EPB41: variants seen among roughly 807,000 people sequenced by gnomAD.
EPB41 encodes protein 4.1.
A neutral mutation model predicts 108.0 loss-of-function variants in EPB41; 65 were observed. The observed-to-expected ratio is 0.60, with a 90% CI of 0.49 to 0.74. The LOEUF is 0.74. Ranked by LOEUF, EPB41 falls within the 30% of genes least tolerant of loss-of-function variation. The probability of loss-of-function intolerance (pLI) is 0.00; values close to 1 mark genes in which losing one functional copy is unlikely to be tolerated. For missense variants in EPB41, 875 were observed against 1,037.0 expected, an observed-to-expected ratio of 0.84 and a Z score of 2.15; for synonymous variants, 336 against 358.9, an observed-to-expected ratio of 0.94 and a Z score of 0.72.
chr1:29,059,824 C>T (rs1219069441), intron 14 of EPB41, among the ~76,000 whole-genome samples: 2 of 152,050 alleles, frequency 1.3e-5, no homozygotes, highest in Non-Finnish European at 2.9e-5. Flanking sequence ...TGTGTACAGC[C>T]GACTTCTCTG....
At chr1:28,967,168 G>A (rs1262483955) in intron 1 of EPB41, among the ~76,000 whole-genome samples, 4 of 151,874 alleles carry the variant, frequency 2.6e-5, no homozygotes, top group Admixed American at 6.6e-5. Context: ...ACAGGTGCCC[G>A]CCACCACACC....
intron 17 of EPB41, among the ~76,000 whole-genome samples, chr1:29,099,704 C>G (rs890692470): frequency 7.2e-5 from 11 of 152,154 alleles, no homozygotes; most frequent in African/African-American, 2.4e-4. Flanking sequence ...TTGTTATTCA[C>G]AGAAGCCAAA....
At chr1:29,111,348 T>C (rs986312622) in intron 18 of EPB41, among the ~76,000 whole-genome samples, 1 of 151,996 alleles carries the variant, frequency 6.6e-6, no homozygotes, top group African/African-American at 2.4e-5. Flanking sequence ...ACTTTCTGTT[T>C]AGCTTAATAA....
intron 1 of EPB41, among the ~76,000 whole-genome samples, chr1:28,955,922 A>G (rs2094933102): frequency 6.6e-6 from 1 of 152,260 alleles, no homozygotes; most frequent in African/African-American, 2.4e-5. Context: ...TATATAATAA[A>G]CACTATAACT....
chr1:28,966,768 G>A lies in EPB41; in HGVS notation c.-7-20663G>A, dbSNP rs572035349. 1.2e-3 allele frequency among the ~76,000 whole-genome samples: 179 copies of A among 152,224 alleles called. 1 individual carries two copies. Among genetic ancestry groups the A allele is most frequent in the African/African-American group, 4.2e-3 (174 of 41,556 alleles). On this transcript the variant is annotated intron_variant, in intron 1 of 20. Transcript: ENST00000343067. Reference sequence around the variant, plus strand: ...AGGCAGAAGAAACCACAAATCCTAAGGTCCTGGCAAATAGCATGCTTACCA... The same window carrying A: ...AGGCAGAAGAAACCACAAATCCTAAAGTCCTGGCAAATAGCATGCTTACCA...
At chr1:29,036,289 C>T (rs1639400004) in intron 10 of EPB41, among the ~76,000 whole-genome samples, 2 of 121,334 alleles carry the variant, frequency 1.6e-5, no homozygotes, top group South Asian at 2.6e-4. Context: ...GACGGAGTTT[C>T]GCTCTTGTTG....
Position 28,937,358 on chromosome 1 carries a change from C to T in EPB41, c.-8+22590C>T, listed in dbSNP as rs573879197. ...TCTCCTGTTGTTTAGGCTGTATTTC[C>T]ACTTTTCTGACGCATTTTAAAGCAC... is the stretch of plus-strand genomic sequence containing the variant. On this transcript the variant is annotated intron_variant, in intron 1 of 20. Coordinates refer to ENST00000343067, the MANE Select transcript of EPB41 (RefSeq NM_001376013.1). Among the ~76,000 whole-genome samples the T allele has an allele frequency of 1.9e-3, 291 of 152,202 alleles. 3 individuals are homozygous for T. The highest frequency in any genetic ancestry group is 3.3e-3 in the Non-Finnish European group (226 of 68,012).
At chr1:29,047,385 T>A (rs1424060371) in intron 11 of EPB41, among the ~76,000 whole-genome samples, 1 of 150,774 alleles carries the variant, frequency 6.6e-6, no homozygotes, top group African/African-American at 2.4e-5. Flanking sequence ...GAGTAGCTGG[T>A]ACCACAAGTT....
At chr1:28,917,750 T>G (rs189088558) in intron 1 of EPB41, among the ~76,000 whole-genome samples, 1 of 151,820 alleles carries the variant, frequency 6.6e-6, no homozygotes, top group Non-Finnish European at 1.5e-5. Flanking sequence ...CCAGCTTTTT[T>G]TTTTCGTTTT....
chr1:29,059,590 A>G (rs573848343), intron 14 of EPB41, among the ~76,000 whole-genome samples: 10 of 152,158 alleles, frequency 6.6e-5, no homozygotes, highest in Non-Finnish European at 1.3e-4. Flanking sequence ...AGCCTGGGCA[A>G]CATAGGGAGA....
chr1:28,988,038 G>A (rs1001791805), intron 2 of EPB41, 133 bp downstream of exon 2: 14 of 913,030 alleles, frequency 1.5e-5, no homozygotes, highest in Admixed American at 6.3e-5. Context: ...CGAGGCAGGC[G>A]GATCAACTGA....
intron 10 of EPB41, among the ~76,000 whole-genome samples, 158 bp from the exon 11 acceptor site, chr1:29,039,096 A>G (rs1572892852): frequency 6.6e-6 from 1 of 152,348 alleles, no homozygotes; most frequent in East Asian, 1.9e-4. Context: ...ATGACAAAGA[A>G]CTAAAATAAT....
rs531770270 is a variant in EPB41 at position 29,074,151 on chromosome 1, G to A, written c.2184+8993G>A. 2.0e-5 allele frequency among the ~76,000 whole-genome samples: 3 copies of A among 152,226 alleles called. No homozygotes were observed. In the South Asian group the frequency reaches 6.2e-4, roughly 32 times the overall value. ...GGAAAACAGGGCAAAATTAATATGA[G>A]ACATGGTCTCATTGTTGCTTTTATT... On this transcript the variant is annotated intron_variant, in intron 16 of 20. Coordinates refer to ENST00000343067, the MANE Select transcript of EPB41 (RefSeq NM_001376013.1).
chr1:28,897,739 C>T (rs1157648073), intron 1 of EPB41, among the ~76,000 whole-genome samples: 1 of 151,986 alleles, frequency 6.6e-6, no homozygotes, highest in Non-Finnish European at 1.5e-5. Flanking sequence ...TCTCTCTTGC[C>T]CTCCTTTTCC....
intron 1 of EPB41, among the ~76,000 whole-genome samples, chr1:28,931,232 T>C (rs1216668730): frequency 6.6e-6 from 1 of 151,852 alleles, no homozygotes; most frequent in East Asian, 1.9e-4. Context: ...ACCACACCTC[T>C]ACAAAAAATT....
At chr1:28,891,169 C>T (rs898641926) in intron 1 of EPB41, among the ~76,000 whole-genome samples, 1 of 152,216 alleles carries the variant, frequency 6.6e-6, no homozygotes, top group African/African-American at 2.4e-5. Context: ...ACCTCAGTTG[C>T]CTCATCTGTA....
Position 29,115,688 on chromosome 1 carries a change from G to A in EPB41, c.2497-11G>A. The A allele has an allele frequency of 5.6e-6, 9 of 1,612,636 alleles. No homozygotes were observed. Among genetic ancestry groups the A allele is most frequent in the Non-Finnish European group, 7.6e-6 (9 of 1,178,856 alleles). On this transcript the variant is annotated splice_polypyrimidine_tract_variant and intron_variant, in intron 19 of 20. Coordinates refer to ENST00000343067, the MANE Select transcript of EPB41 (RefSeq NM_001376013.1). This position sits in a 1 kb window ranked among gnomAD's most constrained non-coding sequence, Gnocchi z 4.4. ...TTTCTGCCTCATTGCCCTTGTTTCT[G>A]TCTTTTGTAGGTCCTTGTACAAGCC...
In EPB41 at chr1:29,086,275, CTTT is replaced by C. The variant is rs1213378802; in HGVS notation, c.2185-11517_2185-11515del. Among the ~76,000 whole-genome samples the C allele has an allele frequency of 1.3e-4, 18 of 137,222 alleles. No individual in the cohort carries two copies. In the East Asian group the frequency reaches 3.1e-3, roughly 24 times the overall value. The allele number at this position is 137,222 out of a possible 152,430, so 90.0% of individuals were successfully genotyped here. On this transcript the variant is annotated intron_variant, in intron 16 of 20. Coordinates refer to ENST00000343067, the MANE Select transcript of EPB41 (RefSeq NM_001376013.1). ...TACACCTTAAAATCTTTTGTCTTTC[CTTT>C]TTTTTTTTTTTTTTGAGACAGAGTC...
At chr1:29,081,077 C>T (rs1452032425) in intron 16 of EPB41, among the ~76,000 whole-genome samples, 1 of 152,192 alleles carries the variant, frequency 6.6e-6, no homozygotes, top group Non-Finnish European at 1.5e-5. Flanking sequence ...TATATTCACT[C>T]TTCTCTGTGG....
Sources: gnomAD v4.1 joint callset for allele counts (sites outside exome capture counted in the v4.1 genomes callset) on GRCh38, gnomAD v4.1.1 for gene constraint, Gnocchi (gnomAD v3.1) non-coding constraint, MANE v1.5 for transcripts, NCBI Gene and HGNC (gene_info 2026-07-23, HGNC 2026-07-21) for gene names.